BLVRA: variants seen among roughly 807,000 people sequenced by gnomAD.
BLVRA encodes BVR A.
A neutral mutation model predicts 32.8 loss-of-function variants in BLVRA; 22 were observed. The observed-to-expected ratio is 0.67, with a 90% confidence interval of 0.48 to 0.96. The LOEUF is 0.96. Among genes scored for constraint, BLVRA ranks in the 40% least tolerant of loss-of-function variants. BLVRA has a pLI of 0.00. For missense variants in BLVRA, 323 were observed against 358.1 expected (o/e 0.90, Z 0.79); for synonymous variants, 119 against 141.3 (o/e 0.84, Z 1.12).
In BLVRA at chr7:43,767,661, G is replaced by T. The variant is rs150762397; in HGVS notation, c.-21-3477G>T. The T allele has an allele frequency of 3.9e-5, 26 of 661,030 alleles. No individual in the cohort carries two copies. The East Asian group carries it at 1.0e-3, about 26-fold the overall frequency. The allele number at this position is 661,030 out of a possible 1,614,324, so 40.9% of individuals were successfully genotyped here. A position where few individuals can be genotyped will look rare whatever the true frequency, so the allele number is the denominator to read the frequency against. ...TTTAAAATGATAAATGCTGGAGGGGGGACATCTGATTTGAATAAAATTGAA... is the reference window on the plus strand; with the variant it reads ...TTTAAAATGATAAATGCTGGAGGGGTGACATCTGATTTGAATAAAATTGAA... On this transcript the variant is annotated intron_variant, in intron 1 of 7. Transcript: ENST00000265523.
At chr7:43,797,721 T>G (rs2095794332) in intron 5 of BLVRA, among the ~76,000 whole-genome samples, 1 of 152,202 alleles carries the variant, frequency 6.6e-6, no homozygotes, top group Non-Finnish European at 1.5e-5. Flanking sequence ...GAGTTCAAAA[T>G]CATGTATTAT....
At chr7:43,794,596 G>T (rs772080653) in intron 5 of BLVRA, among the ~76,000 whole-genome samples, 15 of 152,010 alleles carry the variant, frequency 9.9e-5, no homozygotes, top group African/African-American at 1.7e-4. Flanking sequence ...TTAGCTGGGC[G>T]TGGTGGCGCT....
chr7:43,785,332 CAA>C (rs57195897), intron 2 of BLVRA, among the ~76,000 whole-genome samples: 9 of 75,480 alleles, frequency 1.2e-4, no homozygotes, highest in Admixed American at 1.5e-4. Context: ...TAGAAATTAC[CAA>C]AAAAAAAAAA....
chr7:43,806,993 G>T lies in BLVRA; in HGVS notation c.649G>T (p.Glu217Ter). 1.2e-6 allele frequency: 2 copies of T among 1,614,064 alleles called. No homozygotes were observed. Among genetic ancestry groups the T allele is most frequent in the South Asian group, 2.2e-5 (2 of 91,068 alleles). Residue 217 changes from glutamate (E) to a stop codon, truncating the protein, a stop_gained, in exon 8 of 8, where the codon GAA becomes TAA. Transcript: ENST00000265523. LOFTEE classifies it high-confidence loss of function. ...TCTTTGCAGTCCACTGTCATGGATT[G>T]AAGAAAAAGGACCTGGTCTAAAACG... is the stretch of plus-strand genomic sequence containing the variant. ...TEKKSPLSWI[E>*]EKGPGLKRNR...
chr7:43,786,562 A>C (rs2095777806), intron 2 of BLVRA, among the ~76,000 whole-genome samples: 1 of 152,242 alleles, frequency 6.6e-6, no homozygotes, highest in Admixed American at 6.5e-5. Flanking sequence ...CACTCCACCC[A>C]ACAATAGCAG....
intron 2 of BLVRA, among the ~76,000 whole-genome samples, chr7:43,772,415 T>C (rs1008733145): frequency 1.3e-5 from 2 of 152,202 alleles, no homozygotes; most frequent in African/African-American, 4.8e-5. Context: ...TCCTGGACCA[T>C]AGTGTGTCTG....
At chr7:43,800,780 C>A (rs1323654244) in intron 6 of BLVRA, among the ~76,000 whole-genome samples, 3 of 152,050 alleles carry the variant, frequency 2.0e-5, no homozygotes, top group Non-Finnish European at 4.4e-5. Context: ...GTGCTCTGTC[C>A]CAACCTATTA....
chr7:43,775,677 C>T (rs1011185981), intron 2 of BLVRA, among the ~76,000 whole-genome samples: 2 of 152,220 alleles, frequency 1.3e-5, no homozygotes, highest in African/African-American at 2.4e-5. Flanking sequence ...GGAGGATTCC[C>T]TCTTTTTCTG....
chr7:43,767,482 C>A, intron 1 of BLVRA: 2 of 1,353,702 alleles, frequency 1.5e-6, no homozygotes, highest in Non-Finnish European at 2.1e-6. Context: ...CCAATAAGGA[C>A]AGCTGTTTTT....
At chr7:43,771,073 G>A (rs1024455418) in intron 1 of BLVRA, 65 bp from the exon 2 acceptor site, 21 of 1,403,754 alleles carry the variant, frequency 1.5e-5, no homozygotes, top group African/African-American at 1.1e-4. Context: ...TGGCAAAGGG[G>A]AATGTTTGCC....
Position 43,806,959 on chromosome 7 carries a change from T to G in BLVRA, c.633-18T>G. 6.2e-7 allele frequency: 1 copy of G among 1,613,252 alleles called. No individual in the cohort carries two copies. Reference sequence around the variant, plus strand: ...TGTGTAATCTCTAACATGATTCTTTTGTCTTTTGTCTTTGCAGTCCACTGT... The same window carrying G: ...TGTGTAATCTCTAACATGATTCTTTGGTCTTTTGTCTTTGCAGTCCACTGT... On this transcript the variant is annotated intron_variant, in intron 7 of 7. Transcript: ENST00000265523.
intron 2 of BLVRA, among the ~76,000 whole-genome samples, chr7:43,782,384 G>C (rs1405659611): frequency 6.6e-6 from 1 of 152,216 alleles, no homozygotes; most frequent in Non-Finnish European, 1.5e-5. Context: ...TTGAATGCAG[G>C]AATGACTCCA....
chr7:43,780,106 G>A (rs890962113), intron 2 of BLVRA, among the ~76,000 whole-genome samples: 21 of 151,906 alleles, frequency 1.4e-4, no homozygotes, highest in African/African-American at 3.9e-4. Context: ...CCCTGACCTC[G>A]AGTGATCCTC....
chr7:43,774,389 A>T (rs1283790438), intron 2 of BLVRA, among the ~76,000 whole-genome samples: 5 of 152,212 alleles, frequency 3.3e-5, no homozygotes, highest in African/African-American at 4.8e-5. Context: ...CATTTATTAA[A>T]TAGGGAATCC....
chr7:43,777,241 T>C (rs1585720310), intron 2 of BLVRA, among the ~76,000 whole-genome samples: 1 of 152,080 alleles, frequency 6.6e-6, no homozygotes, highest in Non-Finnish European at 1.5e-5. Flanking sequence ...CTAGCCTTGA[T>C]GGTCTTTACA....
At chr7:43,791,470 G>C in intron 4 of BLVRA, 102 bp downstream of exon 4, 2 of 1,331,706 alleles carry the variant, frequency 1.5e-6, no homozygotes, top group Admixed American at 3.7e-5. Flanking sequence ...AGAAGAGCCA[G>C]TGAGAAAATT....
At chr7:43,773,439 T>C (rs1452650774) in intron 2 of BLVRA, among the ~76,000 whole-genome samples, 2 of 152,360 alleles carry the variant, frequency 1.3e-5, no homozygotes, top group South Asian at 2.1e-4. Flanking sequence ...ATTTCCAGTT[T>C]CATCCATGTC....
chr7:43,805,084 A>T (rs1451097975), intron 7 of BLVRA, among the ~76,000 whole-genome samples: 1 of 152,104 alleles, frequency 6.6e-6, no homozygotes, highest in Non-Finnish European at 1.5e-5. Flanking sequence ...CCGTGGTCAG[A>T]CCTATACACA....
At chr7:43,767,289 T>C (rs2095749278) in intron 1 of BLVRA, 1 of 1,123,480 alleles carries the variant, frequency 8.9e-7, no homozygotes, top group Non-Finnish European at 1.3e-6. Context: ...ACAACTACAC[T>C]GTGGAGCACC....
Sources: gnomAD v4.1 joint callset for allele counts (sites outside exome capture counted in the v4.1 genomes callset) on GRCh38, gnomAD v4.1.1 for gene constraint, MANE v1.5 for transcripts, NCBI Gene and HGNC (gene_info 2026-07-23, HGNC 2026-07-21) for gene names.